GSG1L: variants seen among roughly 807,000 people sequenced by gnomAD.
GSG1L encodes GSG1 like, also known as germ cell-specific gene 1-like protein.
GSG1L carries 24 observed loss-of-function variants against 42.1 expected under a neutral mutation model. The observed-to-expected ratio is 0.57, with a 90% confidence interval of 0.41 to 0.80. GSG1L has a LOEUF of 0.80. Ranked by LOEUF, GSG1L falls within the 30% of genes least tolerant of loss-of-function variation. GSG1L has a pLI of 0.00. For synonymous variants in GSG1L, 215 were observed against 203.5 expected, an observed-to-expected ratio of 1.06 and a Z score of -0.48; for missense variants, 445 against 472.2, an observed-to-expected ratio of 0.94 and a Z score of 0.53.
chr16:27,994,300 G>C (rs544447770), intron 1 of GSG1L, among the ~76,000 whole-genome samples: 10 of 152,010 alleles, frequency 6.6e-5, no homozygotes, highest in African/African-American at 2.2e-4. Flanking sequence ...GGTCCCTTGG[G>C]GGGGTTCAGA....
intron 3 of GSG1L, among the ~76,000 whole-genome samples, chr16:27,866,963 A>C (rs59569171): frequency 0.017 from 2,539 of 152,270 alleles, 69 homozygotes; most frequent in African/African-American, 0.058. Context: ...TGCATTCCCC[A>C]CCAGTGGCCC....
chr16:27,903,304 T>A (rs1050857879), intron 2 of GSG1L, among the ~76,000 whole-genome samples: 2 of 151,912 alleles, frequency 1.3e-5, no homozygotes, highest in Admixed American at 6.6e-5. Flanking sequence ...TACCCAGTAT[T>A]CCCTCTGGCT....
chr16:27,992,497 A>C, intron 1 of GSG1L, among the ~76,000 whole-genome samples: 1 of 19,902 alleles, frequency 5.0e-5, no homozygotes, highest in South Asian at 7.1e-3. Flanking sequence ...CTCCATCTCA[A>C]AAAAAAAAAA....
intron 1 of GSG1L, among the ~76,000 whole-genome samples, chr16:28,001,716 T>C (rs962564009): frequency 6.6e-6 from 1 of 152,076 alleles, no homozygotes; most frequent in Non-Finnish European, 1.5e-5. Flanking sequence ...GAAAGATCAT[T>C]TTGTGGCCCT....
rs768689001 is a variant in GSG1L, at chr16:27,888,401, CTTCTTTCTTTCTTTCTTTCT to C, written c.398-3783_398-3764del. 1.3e-3 allele frequency among the ~76,000 whole-genome samples: 157 copies of C among 122,562 alleles called. 7 individuals are homozygous for C. Among genetic ancestry groups the C allele is most frequent in the Middle Eastern group, 0.012 (3 of 252 alleles). The allele number at this position is 122,562 out of a possible 152,430, so 80.4% of individuals were successfully genotyped here. ...GGTTCTTTCTTTCTTTTCTTTTCTC[CTTCTTTCTTTCTTTCTTTCT>C]TTCTTTCTTTCTTTCTTTCTTTCTT... On this transcript the variant is annotated intron_variant, in intron 2 of 6. Transcript: ENST00000447459.
intron 1 of GSG1L, among the ~76,000 whole-genome samples, chr16:27,967,566 G>A (rs2085149472): frequency 6.6e-6 from 1 of 152,192 alleles, no homozygotes; most frequent in Non-Finnish European, 1.5e-5. Flanking sequence ...CATTAGAGGT[G>A]CTGATATTTT....
chr16:28,033,361 T>C (rs2085989635), intron 1 of GSG1L, among the ~76,000 whole-genome samples: 1 of 152,210 alleles, frequency 6.6e-6, no homozygotes, highest in Admixed American at 6.5e-5. Flanking sequence ...AAAAATGAAA[T>C]ATTAACAGAT....
intron 3 of GSG1L, among the ~76,000 whole-genome samples, chr16:27,881,724 C>G (rs182635809): frequency 3.6e-4 from 55 of 152,218 alleles, no homozygotes; most frequent in African/African-American, 1.3e-3. Context: ...TTTCCCCCAA[C>G]TGGGTTCATG....
At chr16:28,037,661 G>GTAA (rs570129578) in intron 1 of GSG1L, among the ~76,000 whole-genome samples, 8 of 152,114 alleles carry the variant, frequency 5.3e-5, no homozygotes, top group Non-Finnish European at 8.8e-5. Flanking sequence ...CAGCAACAAT[G>GTAA]TAATAATAAT....
intron 2 of GSG1L, among the ~76,000 whole-genome samples, chr16:27,946,158 C>T (rs2084857816): frequency 6.6e-6 from 1 of 152,228 alleles, no homozygotes; most frequent in Non-Finnish European, 1.5e-5. Context: ...TGCTGTGTGA[C>T]CTCAGGCAAG....
Position 27,818,103 on chromosome 16 carries a change from C to T in GSG1L, c.831-10549G>A, listed in dbSNP as rs561035422. 2.3e-4 allele frequency among the ~76,000 whole-genome samples: 35 copies of T among 152,346 alleles called. 1 individual carries two copies. In the South Asian group the frequency reaches 6.6e-3, roughly 29 times the overall value. Reference sequence around the variant, plus strand: ...TGAGGCCAGCGCTGCTGGGTCCAGGCTTTGGCCAGGTGAGGGGCTCAGCCC... The same window carrying T: ...TGAGGCCAGCGCTGCTGGGTCCAGGTTTTGGCCAGGTGAGGGGCTCAGCCC... On this transcript the variant is annotated intron_variant, in intron 5 of 6. Coordinates refer to ENST00000447459, the MANE Select transcript of GSG1L (RefSeq NM_001109763.2).
At chr16:28,012,266 T>C (rs1455370421) in intron 1 of GSG1L, among the ~76,000 whole-genome samples, 1 of 152,058 alleles carries the variant, frequency 6.6e-6, no homozygotes, top group Non-Finnish European at 1.5e-5. Context: ...ACACAGCCTA[T>C]TAATACCCTG....
At chr16:27,801,507 C>T (rs2082881883) in intron 6 of GSG1L, among the ~76,000 whole-genome samples, 1 of 152,164 alleles carries the variant, frequency 6.6e-6, no homozygotes, top group Admixed American at 6.5e-5. Context: ...GCAGCTGCTC[C>T]CCGCAGAAAT....
intron 3 of GSG1L, among the ~76,000 whole-genome samples, chr16:27,875,203 T>A (rs190715537): frequency 2.8e-4 from 42 of 152,284 alleles, no homozygotes; most frequent in African/African-American, 9.6e-4. Context: ...GGAGTTAATG[T>A]CTCAGGAGTG....
chr16:27,859,243 T>C (rs1435479403), intron 3 of GSG1L, among the ~76,000 whole-genome samples: 1 of 152,188 alleles, frequency 6.6e-6, no homozygotes, highest in Non-Finnish European at 1.5e-5. Flanking sequence ...TAGAGGGGCC[T>C]AGACACTTCC....
At chr16:27,857,670 T>C (rs894108925) in intron 3 of GSG1L, among the ~76,000 whole-genome samples, 1 of 152,104 alleles carries the variant, frequency 6.6e-6, no homozygotes, top group African/African-American at 2.4e-5. Flanking sequence ...TGTTTTGAGC[T>C]CATGGGAGAC....
chr16:28,029,775 C>T (rs1420459599), intron 1 of GSG1L, among the ~76,000 whole-genome samples: 1 of 152,130 alleles, frequency 6.6e-6, no homozygotes, highest in Non-Finnish European at 1.5e-5. Context: ...CAATGAAATC[C>T]AAATGCAGCT....
At chr16:27,975,558 G>T (rs941356686) in intron 1 of GSG1L, among the ~76,000 whole-genome samples, 1 of 152,130 alleles carries the variant, frequency 6.6e-6, no homozygotes, top group Non-Finnish European at 1.5e-5. Context: ...CTCTGCTTTC[G>T]GATCTATTTA....
intron 2 of GSG1L, among the ~76,000 whole-genome samples, chr16:27,948,771 G>A (rs902868312): frequency 4.1e-5 from 6 of 145,980 alleles, no homozygotes; most frequent in East Asian, 2.1e-4. Flanking sequence ...CACCGCACCC[G>A]GCTAATTTTT....
Sources: gnomAD v4.1 joint callset for allele counts (sites outside exome capture counted in the v4.1 genomes callset) on GRCh38, gnomAD v4.1.1 for gene constraint, MANE v1.5 for transcripts, NCBI Gene and HGNC (gene_info 2026-07-23, HGNC 2026-07-21) for gene names.